The following ROS1 variants were observed in gnomAD, a reference collection of about 807,000 sequenced individuals.
ROS1 encodes ROS proto-oncogene 1, receptor tyrosine kinase, also known as proto-oncogene tyrosine-protein kinase ROS.
In ROS1, 263 loss-of-function variants were observed where a neutral mutation model predicts 273.5. That is an observed-to-expected ratio of 0.96 (90% CI 0.87 to 1.06). The LOEUF (loss-of-function observed/expected upper bound fraction) is 1.06, where lower values mean the gene tolerates loss of function less well. ROS1 is among the 50% of genes least tolerant of loss of function. The probability of loss-of-function intolerance (pLI) is 0.00; values close to 1 mark genes in which losing one functional copy is unlikely to be tolerated. For synonymous variants in ROS1, 1,008 were observed against 954.1 expected, an observed-to-expected ratio of 1.06 and a Z score of -1.04; for missense variants, 2,833 against 2,751.1, an observed-to-expected ratio of 1.03 and a Z score of -0.67.
chr6:117,394,107 T>C (rs1046755603), intron 11 of ROS1, 55 bp downstream of exon 11: 24 of 1,137,672 alleles, frequency 2.1e-5, no homozygotes, highest in Non-Finnish European at 2.8e-5. Flanking sequence ...TATACCAAGA[T>C]ATGCATATCA....
chr6:117,401,966 C>G (rs1248505672), intron 7 of ROS1, among the ~76,000 whole-genome samples: 1 of 152,152 alleles, frequency 6.6e-6, no homozygotes, highest in Non-Finnish European at 1.5e-5. Flanking sequence ...ACCCCTGGGC[C>G]TCTCACCTGG....
chr6:117,320,344 C>T (rs1776206940), intron 36 of ROS1, among the ~76,000 whole-genome samples: 1 of 152,096 alleles, frequency 6.6e-6, no homozygotes, highest in South Asian at 2.1e-4. Context: ...TAGGTATTAA[C>T]TTCTTCAGAT....
At position 117,355,051 on chromosome 6, in the gene ROS1, A is replaced by G. The variant is rs143917563; in HGVS notation, c.4126+1578T>C. ...ACTTAAATCAGACCAATGTCCATCAAGGGTGGGAGATGAAGAACTTGATCA... is the reference window on the plus strand; with the variant it reads ...ACTTAAATCAGACCAATGTCCATCAGGGGTGGGAGATGAAGAACTTGATCA... On this transcript the variant is annotated intron_variant, in intron 26 of 43. Coordinates refer to ENST00000368507, the MANE Select transcript of ROS1 (RefSeq NM_001378902.1). Among the ~76,000 whole-genome samples the G allele has an allele frequency of 9.2e-5, 14 of 152,298 alleles. No individual in the cohort carries two copies. The East Asian group carries it at 2.7e-3, about 29-fold the overall frequency.
At chr6:117,362,371 C>T (rs973299922) in intron 22 of ROS1, among the ~76,000 whole-genome samples, 14 of 151,974 alleles carry the variant, frequency 9.2e-5, no homozygotes, top group Admixed American at 9.2e-4. Flanking sequence ...CGAATTCCTG[C>T]ATATTAATCC....
intron 1 of ROS1, among the ~76,000 whole-genome samples, chr6:117,419,357 T>C (rs934304983): frequency 6.6e-6 from 1 of 152,212 alleles, no homozygotes; most frequent in Non-Finnish European, 1.5e-5. Flanking sequence ...AATGGCTTAA[T>C]ATTGTGTGGG....
chr6:117,304,112 C>T (rs1280942855), intron 42 of ROS1, among the ~76,000 whole-genome samples: 1 of 152,150 alleles, frequency 6.6e-6, no homozygotes, highest in Non-Finnish European at 1.5e-5. Flanking sequence ...AATGGGTATA[C>T]AGTGCCAAGC....
chr6:117,329,188 T>A (rs2128592515), intron 33 of ROS1, 141 bp downstream of exon 33: 1 of 611,612 alleles, frequency 1.6e-6, no homozygotes, highest in East Asian at 2.7e-5. Flanking sequence ...GCAAAGAACG[T>A]AATGATGCAT....
chr6:117,297,112 T>C (rs390722), intron 43 of ROS1, among the ~76,000 whole-genome samples: 49,940 of 151,958 alleles, frequency 0.33, 11,051 homozygotes, highest in African/African-American at 0.63. Context: ...CAAGAACACA[T>C]ACTGGGGAGA....
intron 4 of ROS1, among the ~76,000 whole-genome samples, chr6:117,413,363 G>T (rs950223196): frequency 6.6e-6 from 1 of 152,126 alleles, no homozygotes; most frequent in Non-Finnish European, 1.5e-5. Flanking sequence ...CTCCGAAGTA[G>T]CTGGGATTAC....
rs563695654 is a variant in ROS1, at chr6:117,356,885, A to T, written c.3870T>A (p.Phe1290Leu). The T allele has an allele frequency of 4.3e-6, 7 of 1,614,108 alleles. 1 individual carries two copies. The South Asian group carries it at 7.7e-5, about 18-fold the overall frequency. ...SRLYWTEVSNFGYQMFYYSII... is the reference protein window; with the variant it reads ...SRLYWTEVSNLGYQMFYYSII... ...TACTGTAGTAGAACATCTGGTAGCC[A>T]AAATTGGAAACTTCTGTCCAATACA... Residue 1290 changes from phenylalanine to leucine, a missense_variant, in exon 26 of 44, where the codon TTT becomes TTA. Physicochemically the swap from Phe to Leu is conservative, Grantham distance 22. Coordinates refer to ENST00000368507, the MANE Select transcript of ROS1 (RefSeq NM_001378902.1).
At chr6:117,418,559 TA>T in intron 1 of ROS1, 53 bp from the exon 2 acceptor site, 1 of 1,325,982 alleles carries the variant, frequency 7.5e-7, no homozygotes, top group Non-Finnish European at 1.0e-6. Context: ...GGGTTCCGTG[TA>T]ACTAACACAC....
Position 117,366,181 on chromosome 6 carries a change from T to C in ROS1, c.2692A>G (p.Ile898Val), listed in dbSNP as rs751748673. ...GRLFWINGFR[I>V]ITTQEIGQKT... ...TGACCTATTTCTTGAGTTGTGATAA[T>C]CCTAAAGCCATTGATCCAGAACAGC... Residue 898 changes from isoleucine to valine, a missense_variant, in exon 19 of 44, where the codon ATT becomes GTT. Transcript: ENST00000368507. The C allele has an allele frequency of 6.2e-7, 1 of 1,614,072 alleles. No homozygotes were observed. Among genetic ancestry groups the C allele is most frequent in the Non-Finnish European group, 8.5e-7 (1 of 1,179,968 alleles).
chr6:117,411,159 T>C (rs945829884), intron 4 of ROS1, among the ~76,000 whole-genome samples: 3 of 152,108 alleles, frequency 2.0e-5, no homozygotes, highest in Admixed American at 1.3e-4. Context: ...CCCATCCTTC[T>C]GGGAGTTTAA....
Position 117,341,527 on chromosome 6 carries a change from C to A in ROS1, c.4757G>T (p.Arg1586Leu). 3.1e-6 allele frequency: 5 copies of A among 1,613,642 alleles called. No homozygotes were observed. The highest frequency in any genetic ancestry group is 3.4e-6 in the Non-Finnish European group (4 of 1,179,654). The change falls in exon 30 of 44, where the codon CGT becomes CTT. Residue 1586 changes from arginine to leucine, a missense_variant. Arg to Leu is a moderately radical substitution (Grantham distance 102). Transcript: ENST00000368507. ...CAGGTGTGAGATTGCCAACTGATAA[C>A]GGACTGATTCTTTAGGTCCATTTGG... is the stretch of plus-strand genomic sequence containing the variant. ...HKPNGPKESVRYQLAISHLAL... is the reference protein window; with the variant it reads ...HKPNGPKESVLYQLAISHLAL...
chr6:117,310,132 A>G lies in ROS1; in HGVS notation c.6365T>C (p.Met2122Thr). Residue 2122 changes from methionine to threonine, a missense_variant, in exon 41 of 44, where the codon ATG (methionine) becomes ACG (threonine). Met to Thr is a moderately conservative substitution (Grantham distance 81, BLOSUM62 -1). Coordinates refer to ENST00000368507, the MANE Select transcript of ROS1 (RefSeq NM_001378902.1). ...RGEGLLPVRW[M>T]APESLMDGIF... The stretch of plus-strand genomic sequence containing the variant: ...TCCATCCATCAAACTTTCTGGAGCC[A>G]TCCACCGAACTGGGAGCAGGCCTTC... The G allele has an allele frequency of 6.2e-7, 1 of 1,613,510 alleles. No individual in the cohort carries two copies. The highest frequency in any genetic ancestry group is 2.2e-5 in the East Asian group (1 of 44,848).
At chr6:117,292,605 C>G (rs77846800) in intron 43 of ROS1, among the ~76,000 whole-genome samples, 12,541 of 152,258 alleles carry the variant, frequency 0.082, 654 homozygotes, top group East Asian at 0.18. Context: ...TAGTCTGCAC[C>G]CTGGACTTCA....
Position 117,357,822 on chromosome 6 carries a change from G to A in ROS1, c.3821C>T (p.Ser1274Phe). Residue 1274 changes from serine (S) to phenylalanine (F), a missense_variant, in exon 25 of 44, where the codon TCT (serine) becomes TTT (phenylalanine). Ser to Phe is a radical substitution (Grantham distance 155). Transcript: ENST00000368507. The stretch of plus-strand genomic sequence containing the variant: ...TACATACCTTAAAAGAGGATATACA[G>A]AAAAAGAAATTATTGTTGAATTCCT... ...HNRNSTIISF[S>F]VYPLLSRLYW... 3.1e-6 allele frequency: 5 copies of A among 1,609,120 alleles called. No homozygotes were observed. The highest frequency in any genetic ancestry group is 4.2e-6 in the Non-Finnish European group (5 of 1,176,564).
At chr6:117,378,027 C>G (rs547999981) in intron 18 of ROS1, among the ~76,000 whole-genome samples, 7 of 152,214 alleles carry the variant, frequency 4.6e-5, no homozygotes, top group Admixed American at 4.6e-4. Context: ...ATTGTCAAAG[C>G]CAACTGTTGA....
At chr6:117,347,299 T>A (rs913125253) in intron 27 of ROS1, among the ~76,000 whole-genome samples, 2 of 152,152 alleles carry the variant, frequency 1.3e-5, no homozygotes. Context: ...GATTTATACC[T>A]AAGTATTTCA....
Sources: allele counts gnomAD v4.1 joint callset (sites outside exome capture counted in the v4.1 genomes callset), GRCh38; gene constraint gnomAD v4.1.1; transcripts MANE v1.5; gene names NCBI Gene and HGNC (gene_info 2026-07-23, HGNC 2026-07-21).